The following PLEKHA4 variants were observed in gnomAD, a reference collection of about 807,000 sequenced individuals.
PLEKHA4 encodes the protein pleckstrin homology domain-containing family A member 4.
PLEKHA4 carries 73 observed loss-of-function variants against 94.7 expected under a neutral mutation model. That is an observed-to-expected ratio of 0.77 (90% CI 0.64 to 0.94). PLEKHA4 has a LOEUF of 0.94. Among genes scored for constraint, PLEKHA4 ranks in the 40% least tolerant of loss-of-function variants. The pLI is 0.00. For missense variants in PLEKHA4, 1,049 were observed against 1,054.1 expected (o/e 1.00, Z 0.07); for synonymous variants, 449 against 437.1 (o/e 1.03, Z -0.34).
intron 13 of PLEKHA4, 126 bp downstream of exon 13, chr19:48,852,093 TGAAAGGACA>T (rs986258713): frequency 3.4e-5 from 22 of 651,504 alleles, no homozygotes; most frequent in East Asian, 1.8e-4. Flanking sequence ...GGGCTTAGAT[TGAAAGGACA>T]GAAAGGAGGC....
chr19:48,853,431 T>A (rs561261408), intron 12 of PLEKHA4, among the ~76,000 whole-genome samples: 5 of 151,582 alleles, frequency 3.3e-5, no homozygotes, highest in African/African-American at 9.7e-5. Context: ...CTCAGGAGGC[T>A]GAGGTTGCAG....
intron 2 of PLEKHA4, 59 bp from the exon 3 acceptor site, chr19:48,865,669 G>C (rs2036806655): frequency 7.9e-7 from 1 of 1,261,712 alleles, no homozygotes. Context: ...CTGGGAGGGG[G>C]TGAGGGTGGA....
intron 3 of PLEKHA4, 103 bp from the exon 4 acceptor site, chr19:48,861,795 GGAGA>G: frequency 9.6e-7 from 1 of 1,038,482 alleles, no homozygotes; most frequent in African/African-American, 1.6e-5. Context: ...AAAGAAACTT[GGAGA>G]GAGGAGAACA....
In PLEKHA4 at chr19:48,853,175, TATTCATTC is replaced by T. The variant is rs35413065; in HGVS notation, c.1326+499_1326+506del. On this transcript the variant is annotated intron_variant, in intron 12 of 19. Coordinates refer to ENST00000263265, the MANE Select transcript of PLEKHA4 (RefSeq NM_020904.3). ...AGTACCAAGTACCTTAAGTGTTAAA[TATTCATTC>T]ATTCATTCATTCATTCATTCACTCA... 1.4e-3 allele frequency among the ~76,000 whole-genome samples: 218 copies of T among 151,456 alleles called. 2 individuals are homozygous for T. The highest frequency in any genetic ancestry group is 5.2e-3 in the African/African-American group (212 of 40,994).
intron 3 of PLEKHA4, among the ~76,000 whole-genome samples, chr19:48,863,633 G>A (rs1039580889): frequency 6.6e-6 from 1 of 150,874 alleles, no homozygotes; most frequent in African/African-American, 2.4e-5. Flanking sequence ...AGAGATGGGG[G>A]TTCACCGTGT....
rs547635916 is a variant in PLEKHA4, at chr19:48,845,466, C to T, written c.1667-20G>A. The T allele has an allele frequency of 6.2e-7, 1 of 1,613,950 alleles. No homozygotes were observed. Among genetic ancestry groups the T allele is most frequent in the African/African-American group, 1.3e-5 (1 of 75,010 alleles). On this transcript the variant is annotated intron_variant, in intron 15 of 19. Coordinates refer to ENST00000263265, the MANE Select transcript of PLEKHA4 (RefSeq NM_020904.3). The stretch of plus-strand genomic sequence containing the variant: ...CAAGACCTGGAAAGACAGAACGGGA[C>T]TTGGTGAGGACGGGAATTTCCGTAA...
At chr19:48,850,452 C>T (rs1294295826) in intron 13 of PLEKHA4, among the ~76,000 whole-genome samples, 1 of 151,768 alleles carries the variant, frequency 6.6e-6, no homozygotes, top group Non-Finnish European at 1.5e-5. Context: ...TGCAGTGAGT[C>T]GAGATTGTGC....
intron 4 of PLEKHA4, 38 bp downstream of exon 4, chr19:48,861,582 G>A (rs1002289959): frequency 9.3e-6 from 15 of 1,612,232 alleles, no homozygotes; most frequent in African/African-American, 1.3e-5. Context: ...CTGGGCGGGG[G>A]GGCCCTCCCA....
rs1339916703 is a variant in PLEKHA4, at chr19:48,837,423, G to A, written c.2206C>T (p.Arg736Cys). 2 of 1,613,436 alleles carry A rather than the reference G, an allele frequency of 1.2e-6. No individual in the cohort carries two copies. The highest frequency in any genetic ancestry group is 1.3e-5 in the African/African-American group (1 of 75,036). Residue 736 changes from arginine (R) to cysteine (C), a missense_variant, in exon 20 of 20, where the codon CGC (arginine) becomes TGC (cysteine). Transcript: ENST00000263265. This position sits in a 1 kb window ranked among gnomAD's most constrained non-coding sequence, Gnocchi z 4.3. ...CCTCCTCCACGCCCACTCCCTCGGC[G>A]AGAGAACCCCGTGGAACCCGAATTA... ...VANSGSTGFS[R>C]RGSGRGGGPT...
At chr19:48,861,343 A>T in intron 5 of PLEKHA4, 58 bp downstream of exon 5, 1 of 1,424,732 alleles carries the variant, frequency 7.0e-7, no homozygotes, top group Admixed American at 1.7e-5. Context: ...ACAGATATCT[A>T]CCCGCCCTCA....
At chr19:48,851,776 T>G (rs957687944) in intron 13 of PLEKHA4, among the ~76,000 whole-genome samples, 3 of 151,750 alleles carry the variant, frequency 2.0e-5, no homozygotes, top group Non-Finnish European at 2.9e-5. Context: ...CCAACATGTC[T>G]CTACTAAAAA....
chr19:48,846,907 C>T (rs924889480), intron 14 of PLEKHA4, among the ~76,000 whole-genome samples: 11 of 152,134 alleles, frequency 7.2e-5, no homozygotes, highest in South Asian at 2.1e-4. Flanking sequence ...GACACAGTCT[C>T]GCTCTTTCAG....
intron 16 of PLEKHA4, among the ~76,000 whole-genome samples, chr19:48,844,844 T>A (rs1332316928): frequency 2.8e-5 from 4 of 144,920 alleles, no homozygotes; most frequent in South Asian, 2.2e-4. Flanking sequence ...GACAGATTTT[T>A]GCTCTTGTCG....
At position 48,865,511 on chromosome 19, in the gene PLEKHA4, G is replaced by A; in HGVS notation, c.184C>T (p.His62Tyr). The A allele has an allele frequency of 6.2e-7, 1 of 1,613,810 alleles. No individual in the cohort carries two copies. The highest frequency in any genetic ancestry group is 8.5e-7 in the Non-Finnish European group (1 of 1,179,768). Residue 62 changes from histidine to tyrosine, a missense_variant, in exon 3 of 20, where the codon CAT (histidine) becomes TAT (tyrosine). Physicochemically the swap from His to Tyr is moderately conservative, Grantham distance 83 (BLOSUM62 2). Transcript: ENST00000263265. ...TCTCCTACTGACCCCACCTGCTTAT[G>A]AAGCCAGCCTCGGATGTGCACGGGA... ...NLPVHIRGWLHKQDSSGLRLW... is the reference protein window; with the variant it reads ...NLPVHIRGWLYKQDSSGLRLW...
chr19:48,849,094 C>T (rs1291433084), intron 13 of PLEKHA4, among the ~76,000 whole-genome samples: 4 of 151,774 alleles, frequency 2.6e-5, no homozygotes, highest in African/African-American at 7.3e-5. Flanking sequence ...TTAGTAGAGA[C>T]AGAGTTTCAC....
At chr19:48,842,145 T>TTC (rs1031406964) in intron 16 of PLEKHA4, among the ~76,000 whole-genome samples, 1 of 140,550 alleles carries the variant, frequency 7.1e-6, no homozygotes, top group African/African-American at 2.7e-5. Flanking sequence ...TTTATTTTCT[T>TTC]TTTTTTTTTT....
intron 14 of PLEKHA4, among the ~76,000 whole-genome samples, chr19:48,847,506 C>T (rs142267757): frequency 3.3e-5 from 5 of 152,132 alleles, no homozygotes; most frequent in Admixed American, 1.3e-4. Context: ...CCGAGGCAGG[C>T]GGATTACTCA....
In PLEKHA4 at chr19:48,864,522, TCTC is replaced by T. The variant is rs548190070; in HGVS notation, c.192+978_192+980del. Among the ~76,000 whole-genome samples the T allele has an allele frequency of 7.1e-3, 1,088 of 152,170 alleles. 3 individuals are homozygous for T. The highest frequency in any genetic ancestry group is 0.011 in the Non-Finnish European group (735 of 67,982). Reference sequence around the variant, plus strand: ...CCCTGACCAAATGTCAAATTGAAGTTCTCCTCTCTCAGCCACGTTCAAGCACAT... The same window carrying T: ...CCCTGACCAAATGTCAAATTGAAGTTCTCTCTCAGCCACGTTCAAGCACAT... On this transcript the variant is annotated intron_variant, in intron 3 of 19. Transcript: ENST00000263265.
chr19:48,861,581 G>A (rs1456975574), intron 4 of PLEKHA4, 39 bp downstream of exon 4: 2 of 1,611,726 alleles, frequency 1.2e-6, no homozygotes, highest in African/African-American at 1.3e-5. Context: ...ACTGGGCGGG[G>A]GGGCCCTCCC....
Sources: allele counts gnomAD v4.1 joint callset (sites outside exome capture counted in the v4.1 genomes callset), GRCh38; gene constraint gnomAD v4.1.1; non-coding constraint Gnocchi (gnomAD v3.1); transcripts MANE v1.5; gene names NCBI Gene and HGNC (gene_info 2026-07-23, HGNC 2026-07-21).